The following CHST8 variants were observed in gnomAD, a reference collection of about 807,000 sequenced individuals.
CHST8 encodes the protein GALNAC-4-ST1.
CHST8 carries 10 observed loss-of-function variants against 15.0 expected under a neutral mutation model. The observed-to-expected ratio is 0.67, with a 90% CI of 0.41 to 1.13. The LOEUF is 1.13. Ranked by LOEUF, CHST8 falls within the 50% of genes most tolerant of loss-of-function variation. CHST8 has a pLI of 0.00. For missense variants in CHST8, 634 were observed against 608.2 expected, an observed-to-expected ratio of 1.04 and a Z score of -0.45; for synonymous variants, 259 against 256.6, an observed-to-expected ratio of 1.01 and a Z score of -0.09.
intron 3 of CHST8, among the ~76,000 whole-genome samples, chr19:33,746,944 G>A (rs1473395828): frequency 6.6e-6 from 1 of 152,168 alleles, no homozygotes; most frequent in East Asian, 1.9e-4. Context: ...CAGGGCGATG[G>A]TAATTGAGGG....
chr19:33,679,182 A>T (rs1161034201), intron 2 of CHST8, among the ~76,000 whole-genome samples: 2 of 152,076 alleles, frequency 1.3e-5, no homozygotes, highest in Non-Finnish European at 2.9e-5. Context: ...TCCATATTAT[A>T]CCCCAACTTT....
chr19:33,757,522 GAGAAA>G lies in CHST8; in HGVS notation c.131-13890_131-13886del, dbSNP rs1974610904. On this transcript the variant is annotated intron_variant, in intron 3 of 4. Coordinates refer to ENST00000650847, the MANE Select transcript of CHST8 (RefSeq NM_001127895.2). ...AGAAAGAAAGAAAGAAAGAAAGAAA[GAGAAA>G]GAAAGAAAGAAAGAAAGAAAGAAAG... Among the ~76,000 whole-genome samples the G allele has an allele frequency of 9.5e-5, 2 of 21,122 alleles. 1 individual carries two copies. Among genetic ancestry groups the G allele is most frequent in the African/African-American group, 4.8e-4 (2 of 4,210 alleles). 13.9% of individuals were successfully genotyped at this position (21,122 alleles called of 152,430 possible). A position where few individuals can be genotyped will look rare whatever the true frequency, so the allele number is the denominator to read the frequency against.
intron 1 of CHST8, among the ~76,000 whole-genome samples, chr19:33,626,357 G>C (rs374957734): frequency 6.6e-6 from 1 of 151,648 alleles, no homozygotes; most frequent in African/African-American, 2.4e-5. Flanking sequence ...GGAAGCCTCC[G>C]TGCAGGTGGG....
At chr19:33,751,812 G>GC in intron 3 of CHST8, among the ~76,000 whole-genome samples, 1 of 152,232 alleles carries the variant, frequency 6.6e-6, no homozygotes. Context: ...TCCTGCTGAA[G>GC]CCCCCACGGG....
rs574616422 is a variant in CHST8 at position 33,662,077 on chromosome 19, T to C, written c.-163-5690T>C. Among the ~76,000 whole-genome samples the C allele has an allele frequency of 2.0e-5, 3 of 151,928 alleles. No individual in the cohort carries two copies. In the East Asian group the frequency reaches 5.9e-4, roughly 30 times the overall value. On this transcript the variant is annotated intron_variant, in intron 1 of 4. Coordinates refer to ENST00000650847, the MANE Select transcript of CHST8 (RefSeq NM_001127895.2). ...AAGGATGATTTCTTTTTTTTCTCTC[T>C]TTTTAAAATTTATTTATTTTTGAGA...
intron 2 of CHST8, among the ~76,000 whole-genome samples, chr19:33,670,129 A>G (rs1050062063): frequency 1.3e-5 from 2 of 152,220 alleles, no homozygotes; most frequent in South Asian, 2.1e-4. Context: ...CAAGTTTTTT[A>G]GAAGACTTCA....
At chr19:33,699,397 G>A (rs911609120) in intron 3 of CHST8, among the ~76,000 whole-genome samples, 17 of 152,266 alleles carry the variant, frequency 1.1e-4, no homozygotes, top group Admixed American at 4.6e-4. Context: ...GCGCCTGGGG[G>A]ACACTTAAGG....
intron 2 of CHST8, among the ~76,000 whole-genome samples, chr19:33,681,657 C>G (rs2145245354): frequency 6.6e-6 from 1 of 152,254 alleles, no homozygotes; most frequent in East Asian, 1.9e-4. Context: ...TTGTCTCACA[C>G]CAGAGCTGCA....
intron 3 of CHST8, among the ~76,000 whole-genome samples, chr19:33,757,275 G>C (rs1362167506): frequency 6.6e-6 from 1 of 151,234 alleles, no homozygotes. Flanking sequence ...CTGCTACTCT[G>C]GAGGCTGAGG....
At position 33,731,726 on chromosome 19, in the gene CHST8, C is replaced by T. The variant is rs528835182; in HGVS notation, c.131-39687C>T. Among the ~76,000 whole-genome samples, 4 of 152,264 alleles carry T rather than the reference C, an allele frequency of 2.6e-5. No homozygotes were observed. The East Asian group carries it at 7.7e-4, about 29-fold the overall frequency. ...CAAACGCCTTTGACAGATGTGTTTT[C>T]GTGTATGCAAACAATGATTGAGATG... On this transcript the variant is annotated intron_variant, in intron 3 of 4. Transcript: ENST00000650847.
At chr19:33,733,673 G>A (rs1353319784) in intron 3 of CHST8, among the ~76,000 whole-genome samples, 1 of 152,076 alleles carries the variant, frequency 6.6e-6, no homozygotes, top group African/African-American at 2.4e-5. Flanking sequence ...TCTGATTTAT[G>A]CCCTCATTTC....
At chr19:33,628,908 A>G (rs1972090111) in intron 1 of CHST8, among the ~76,000 whole-genome samples, 1 of 152,100 alleles carries the variant, frequency 6.6e-6, no homozygotes, top group Admixed American at 6.5e-5. Flanking sequence ...AGTGCTAAGC[A>G]CCTGTCCACT....
chr19:33,762,121 G>T (rs1974743605), intron 3 of CHST8, among the ~76,000 whole-genome samples: 1 of 152,244 alleles, frequency 6.6e-6, no homozygotes, highest in African/African-American at 2.4e-5. Context: ...TGTGTAAGGG[G>T]TGATGCAGTG....
chr19:33,696,156 A>T (rs1973214400), intron 3 of CHST8, among the ~76,000 whole-genome samples: 1 of 152,016 alleles, frequency 6.6e-6, no homozygotes, highest in Non-Finnish European at 1.5e-5. Context: ...TCATTGGTTG[A>T]TGGGCACTTA....
intron 1 of CHST8, among the ~76,000 whole-genome samples, chr19:33,661,042 T>C (rs993938143): frequency 1.3e-5 from 2 of 152,126 alleles, no homozygotes; most frequent in Non-Finnish European, 2.9e-5. Context: ...TTATGCCCCC[T>C]CTTGTCTGCG....
chr19:33,741,797 G>A (rs1274750895), intron 3 of CHST8, among the ~76,000 whole-genome samples: 1 of 151,942 alleles, frequency 6.6e-6, no homozygotes, highest in African/African-American at 2.4e-5. Flanking sequence ...CATGGGAGAG[G>A]GTCACTGTCA....
intron 1 of CHST8, among the ~76,000 whole-genome samples, chr19:33,651,767 A>G (rs972259685): frequency 3.3e-5 from 5 of 152,108 alleles, no homozygotes; most frequent in African/African-American, 1.2e-4. Context: ...TGTGGTGTGC[A>G]TGCTATTGAT....
At chr19:33,628,602 G>A (rs974407442) in intron 1 of CHST8, among the ~76,000 whole-genome samples, 2 of 152,196 alleles carry the variant, frequency 1.3e-5, no homozygotes, top group Non-Finnish European at 2.9e-5. Flanking sequence ...GAAACTAGTG[G>A]GCGGTGTAGG....
At chr19:33,675,208 A>AC (rs1972793708) in intron 2 of CHST8, among the ~76,000 whole-genome samples, 1 of 152,048 alleles carries the variant, frequency 6.6e-6, no homozygotes, top group South Asian at 2.1e-4. Flanking sequence ...CCAGGCCTGC[A>AC]CCACCCCCAG....
Sources: allele counts gnomAD v4.1 joint callset (sites outside exome capture counted in the v4.1 genomes callset), GRCh38; gene constraint gnomAD v4.1.1; transcripts MANE v1.5; gene names NCBI Gene and HGNC (gene_info 2026-07-23, HGNC 2026-07-21).